Variants in KLF12 observed in about 807,000 individuals in gnomAD.
The protein encoded by KLF12 is KLF transcription factor 12.
Under a neutral mutation model 37.8 loss-of-function variants are expected in KLF12, and 9 were observed. The observed-to-expected ratio is 0.24, with a 90% CI of 0.14 to 0.42. The LOEUF is 0.42. Among genes scored for constraint, KLF12 ranks in the 10% least tolerant of loss-of-function variants. The pLI is 1.00. For synonymous variants in KLF12, 208 were observed against 202.1 expected (o/e 1.03, Z -0.25); for missense variants, 411 against 516.0 (o/e 0.80, Z 1.97).
the KLF12 span, among the ~76,000 whole-genome samples, chr13:74,221,920 C>T: frequency 2.0e-5 from 3 of 152,254 alleles, no homozygotes; most frequent in East Asian, 3.9e-4. Flanking sequence ...CATGGTGCAG[C>T]CCTCTAGTTC....
chr13:73,700,641 G>A (rs1874484745), intron 7 of KLF12, among the ~76,000 whole-genome samples: 1 of 152,012 alleles, frequency 6.6e-6, no homozygotes, highest in South Asian at 2.1e-4. Context: ...CTGAGTTATG[G>A]GGGTAGGGGA....
intron 4 of KLF12, among the ~76,000 whole-genome samples, chr13:73,837,391 G>A (rs368261243): frequency 6.6e-6 from 1 of 152,166 alleles, no homozygotes; most frequent in Non-Finnish European, 1.5e-5. Flanking sequence ...AAACAAGAGC[G>A]TAAGAAGCCA....
intron 3 of KLF12, among the ~76,000 whole-genome samples, chr13:73,859,294 C>G (rs141098550): frequency 3.3e-5 from 5 of 152,256 alleles, no homozygotes; most frequent in African/African-American, 9.6e-5. Flanking sequence ...AAGTTTTCCT[C>G]TCTAGTTTTA....
At chr13:74,233,903 A>G in the KLF12 span, among the ~76,000 whole-genome samples, 1 of 152,210 alleles carries the variant, frequency 6.6e-6, no homozygotes, top group Admixed American at 6.5e-5. Flanking sequence ...ATTTGAAATA[A>G]AAAACACAAT....
At chr13:74,279,519 A>AT in the KLF12 span, among the ~76,000 whole-genome samples, 112,589 of 146,762 alleles carry the variant, frequency 0.77, 43,024 homozygotes, top group South Asian at 0.85. Context: ...AATTTTGTTC[A>AT]TTTTTTTTTT....
intron 1 of KLF12, among the ~76,000 whole-genome samples, chr13:74,006,781 C>G (rs547363067): frequency 7.0e-4 from 106 of 152,278 alleles, no homozygotes; most frequent in African/African-American, 2.5e-3. Flanking sequence ...ATCCTTCTCT[C>G]CAAAGACTCT....
At chr13:73,707,009 G>T (rs2137621258) in intron 7 of KLF12, among the ~76,000 whole-genome samples, 1 of 152,260 alleles carries the variant, frequency 6.6e-6, no homozygotes, top group Non-Finnish European at 1.5e-5. Flanking sequence ...AAAGTCTCTT[G>T]CTCTCTCATT....
chr13:73,888,293 C>T (rs1451165017), intron 3 of KLF12, among the ~76,000 whole-genome samples: 2 of 152,254 alleles, frequency 1.3e-5, no homozygotes, highest in Admixed American at 6.5e-5. Flanking sequence ...CCTGAGCCAC[C>T]GCGCCCGGCC....
chr13:73,853,684 A>C (rs1259696328), intron 3 of KLF12, among the ~76,000 whole-genome samples: 1 of 151,674 alleles, frequency 6.6e-6, no homozygotes, highest in Non-Finnish European at 1.5e-5. Flanking sequence ...GGTTGCAGTG[A>C]GCTGAGATTG....
At chr13:74,283,720 C>T in the KLF12 span, among the ~76,000 whole-genome samples, 4 of 152,172 alleles carry the variant, frequency 2.6e-5, no homozygotes, top group African/African-American at 7.2e-5. Context: ...TAATGATACT[C>T]ACCTGACCGA....
chr13:73,963,408 G>A (rs569346423), intron 2 of KLF12, among the ~76,000 whole-genome samples: 1 of 151,722 alleles, frequency 6.6e-6, no homozygotes, highest in Non-Finnish European at 1.5e-5. Flanking sequence ...AACATCCAGT[G>A]GGAAAAACCA....
intron 2 of KLF12, chr13:73,960,354 G>C: frequency 3.4e-6 from 1 of 296,936 alleles, no homozygotes; most frequent in Non-Finnish European, 7.6e-6. Flanking sequence ...ATAGAACATG[G>C]AGTGAGATTT....
At chr13:73,930,555 G>A (rs920350642) in intron 3 of KLF12, among the ~76,000 whole-genome samples, 8 of 152,200 alleles carry the variant, frequency 5.3e-5, no homozygotes, top group South Asian at 2.1e-4. Context: ...TCTGAATAAC[G>A]TTTGAAATGC....
the KLF12 span, among the ~76,000 whole-genome samples, chr13:74,246,052 C>G: frequency 6.6e-6 from 1 of 152,310 alleles, no homozygotes; most frequent in South Asian, 2.1e-4. Context: ...TGTCAGTGTG[C>G]CAATTCTCTG....
At chr13:74,189,660 C>T in the KLF12 span, among the ~76,000 whole-genome samples, 1 of 152,208 alleles carries the variant, frequency 6.6e-6, no homozygotes, top group African/African-American at 2.4e-5. Flanking sequence ...TCAGTTCAAC[C>T]AGTGTTGCTA....
chr13:73,963,941 T>C (rs949058244), intron 2 of KLF12, among the ~76,000 whole-genome samples: 6 of 152,132 alleles, frequency 3.9e-5, no homozygotes, highest in Non-Finnish European at 7.4e-5. Context: ...CAATAACAGA[T>C]GAGAAGAAAA....
chr13:74,200,782 A>AG, the KLF12 span, among the ~76,000 whole-genome samples: 4 of 151,996 alleles, frequency 2.6e-5, no homozygotes, highest in Non-Finnish European at 5.9e-5. Flanking sequence ...AAACTAAAAA[A>AG]CTGAGCGAAT....
At chr13:74,257,828 C>T in the KLF12 span, 1 of 152,160 alleles carries the variant, frequency 6.6e-6, no homozygotes, top group Non-Finnish European at 1.5e-5. Flanking sequence ...GTTTTCAGCT[C>T]AAACTCATCT....
the KLF12 span, among the ~76,000 whole-genome samples, chr13:74,264,169 G>A: frequency 5.5e-3 from 831 of 152,244 alleles, 5 homozygotes; most frequent in African/African-American, 0.019. Context: ...CAGGCTTTGG[G>A]TATCAATTTG....
Sources: gnomAD v4.1 joint callset for allele counts (sites outside exome capture counted in the v4.1 genomes callset) on GRCh38, gnomAD v4.1.1 for gene constraint, MANE v1.5 for transcripts, NCBI Gene and HGNC (gene_info 2026-07-23, HGNC 2026-07-21) for gene names.